The following MDGA1 variants were observed in gnomAD, a reference collection of about 807,000 sequenced individuals.
MDGA1 encodes the protein MAM domain containing glycosylphosphatidylinositol anchor 1, also known as MAM domain-containing glycosylphosphatidylinositol anchor protein 1.
A neutral mutation model predicts 101.5 loss-of-function variants in MDGA1; 54 were observed. The observed-to-expected ratio is 0.53, with a 90% CI of 0.43 to 0.67. MDGA1 has a LOEUF of 0.67. MDGA1 is among the 30% of genes least tolerant of loss of function. MDGA1 has a pLI of 0.00. For synonymous variants in MDGA1, 533 were observed against 558.3 expected, an observed-to-expected ratio of 0.95 and a Z score of 0.64; for missense variants, 1,083 against 1,323.8, an observed-to-expected ratio of 0.82 and a Z score of 2.82.
chr6:37,637,943 A>G (rs1417401228), intron 16 of MDGA1: 5 of 565,336 alleles, frequency 8.8e-6, no homozygotes, highest in Non-Finnish European at 1.6e-5. Flanking sequence ...ATTCAGACAC[A>G]GGCACAGGAG....
chr6:37,660,977 AT>A (rs1365381693), intron 2 of MDGA1, among the ~76,000 whole-genome samples: 1 of 152,186 alleles, frequency 6.6e-6, no homozygotes, highest in Non-Finnish European at 1.5e-5. Flanking sequence ...TTTCCTCACT[AT>A]TTGGATATTG....
chr6:37,664,094 G>A lies in MDGA1; in HGVS notation c.80C>T (p.Ala27Val), dbSNP rs372332601. 91 of 1,613,896 alleles carry A rather than the reference G, an allele frequency of 5.6e-5. No homozygotes were observed. The highest frequency in any genetic ancestry group is 5.8e-5 in the Non-Finnish European group (68 of 1,179,876). Reference protein sequence around the residue: ...RGQGVYAPAQAQIVHAGQACV... With the variant: ...RGQGVYAPAQVQIVHAGQACV... Reference sequence around the variant, plus strand: ...TGCCTGGCCCGCATGCACGATCTGCGCCTGGGCTGGAGCTGGCAGGAGAGG... The same window carrying A: ...TGCCTGGCCCGCATGCACGATCTGCACCTGGGCTGGAGCTGGCAGGAGAGG... Residue 27 changes from alanine (A) to valine (V), a missense_variant, in exon 2 of 17, where the codon GCG (alanine) becomes GTG (valine). Physicochemically the swap from Ala to Val is moderately conservative, Grantham distance 64 (BLOSUM62 0). Around this residue, in one of 3 missense-constraint regions of MDGA1, gnomAD observed 310 missense variants for 355.9 expected, o/e 0.87. Transcript: ENST00000434837.
In MDGA1 at chr6:37,649,052, G is replaced by A; in HGVS notation, c.1824C>T (p.Asp608=). ...CGCTGCACTCGTAGCTGCCGCTGCT[G>A]TCGCGAGTTACGGCGTCGAGGCGCA... ...AELRLDAVTR[D]SSGSYECSVS... The change falls in exon 9 of 17, where the codon GAC becomes GAT. Residue 608 remains aspartate (D), a synonymous_variant. Coordinates refer to ENST00000434837, the MANE Select transcript of MDGA1 (RefSeq NM_153487.4). The A allele has an allele frequency of 1.9e-6, 3 of 1,544,694 alleles. No homozygotes were observed. The highest frequency in any genetic ancestry group is 2.6e-6 in the Non-Finnish European group (3 of 1,145,356).
chr6:37,649,235 G>A lies in MDGA1; in HGVS notation c.1641C>T (p.Asp547=), dbSNP rs946258328. ...FPPEVEPSSQ[D]VRQALGRPVL... ...CGGGCCGGCCCAGCGCCTGGCGCAC[G>A]TCCTGGGAACTGGGCTCCACCTCCG... Residue 547 remains aspartate, a synonymous_variant, in exon 9 of 17, where the codon GAC becomes GAT. Transcript: ENST00000434837. 6.6e-6 allele frequency: 10 copies of A among 1,508,186 alleles called. No individual in the cohort carries two copies. The highest frequency in any genetic ancestry group is 8.8e-6 in the Non-Finnish European group (10 of 1,136,550). The allele number at this position is 1,508,186 out of a possible 1,614,324, so 93.4% of individuals were successfully genotyped here.
Position 37,696,710 on chromosome 6 carries a change from G to T in MDGA1, c.67+35C>A, listed in dbSNP as rs1424696503. The T allele has an allele frequency of 6.4e-7, 1 of 1,555,782 alleles. No individual in the cohort carries two copies. Among genetic ancestry groups the T allele is most frequent in the African/African-American group, 1.4e-5 (1 of 73,472 alleles). On this transcript the variant is annotated intron_variant, in intron 1 of 16. Transcript: ENST00000434837. This position sits in a 1 kb window ranked among gnomAD's most constrained non-coding sequence, Gnocchi z 5.6. ...GCCTCTTGCAAAGTTTCCGCGCGAG[G>T]TTAAGCCAAGGTGGAGCGGGACGCG... is the stretch of plus-strand genomic sequence containing the variant.
chr6:37,663,444 A>G (rs1276311589), intron 2 of MDGA1, among the ~76,000 whole-genome samples: 3 of 152,248 alleles, frequency 2.0e-5, no homozygotes, highest in African/African-American at 4.8e-5. Context: ...GAGGAAGCAG[A>G]GTAAGCTAAG....
chr6:37,684,962 A>G (rs1762166529), intron 1 of MDGA1, among the ~76,000 whole-genome samples: 1 of 152,106 alleles, frequency 6.6e-6, no homozygotes, highest in African/African-American at 2.4e-5. Context: ...TCTGCCCAGT[A>G]TCCCTCTCAG....
chr6:37,646,498 T>C lies in MDGA1; in HGVS notation c.2047-123A>G, dbSNP rs961182942. 1.1e-5 allele frequency: 8 copies of C among 720,468 alleles called. No individual in the cohort carries two copies. The East Asian group carries it at 2.3e-4, about 21-fold the overall frequency. 44.6% of individuals were successfully genotyped at this position (720,468 alleles called of 1,614,324 possible). A position where few individuals can be genotyped will look rare whatever the true frequency, so the allele number is the denominator to read the frequency against. On this transcript the variant is annotated intron_variant, in intron 10 of 16. Transcript: ENST00000434837. The stretch of plus-strand genomic sequence containing the variant: ...AGGGCTGTCTTCATAATAAAAATGA[T>C]GACAGCAACACACTGAAACATTAAT...
intron 1 of MDGA1, among the ~76,000 whole-genome samples, chr6:37,690,255 C>T (rs1762281612): frequency 6.6e-6 from 1 of 152,234 alleles, no homozygotes; most frequent in Non-Finnish European, 1.5e-5. Context: ...CCAGCACGGC[C>T]TCCTCCCACA....
chr6:37,667,001 T>G (rs1484321810), intron 1 of MDGA1, among the ~76,000 whole-genome samples: 1 of 152,318 alleles, frequency 6.6e-6, no homozygotes, highest in African/African-American at 2.4e-5. Context: ...ACGGTAGATG[T>G]GATGATAACA....
At chr6:37,693,421 ATAG>A (rs1383617176) in intron 1 of MDGA1, among the ~76,000 whole-genome samples, 1 of 152,250 alleles carries the variant, frequency 6.6e-6, no homozygotes, top group African/African-American at 2.4e-5. Flanking sequence ...TTAACATAGG[ATAG>A]TAGTTTCTGA....
chr6:37,683,558 C>T (rs1488472452), intron 1 of MDGA1, among the ~76,000 whole-genome samples: 1 of 152,234 alleles, frequency 6.6e-6, no homozygotes, highest in Non-Finnish European at 1.5e-5. Flanking sequence ...CTAGAGCTTG[C>T]GCTGCCTGTG....
intron 1 of MDGA1, among the ~76,000 whole-genome samples, chr6:37,681,004 C>T (rs113775274): frequency 1.3e-5 from 2 of 152,110 alleles, no homozygotes; most frequent in Admixed American, 6.5e-5. Flanking sequence ...CAGCCCCCCC[C>T]CCCCAGGAAA....
Position 37,644,508 on chromosome 6 carries a change from C to T in MDGA1, c.2390G>A (p.Gly797Asp). 1 of 1,582,250 alleles carries T rather than the reference C, an allele frequency of 6.3e-7. No individual in the cohort carries two copies. Among genetic ancestry groups the T allele is most frequent in the Non-Finnish European group, 8.6e-7 (1 of 1,164,194 alleles). ...GGCCAGGTCCTCACCCTCAGGGGTGCCACTTATGTCGGTGGGGGGACCAGT... is the reference window on the plus strand; with the variant it reads ...GGCCAGGTCCTCACCCTCAGGGGTGTCACTTATGTCGGTGGGGGGACCAGT... ...PNTGPPTDIS[G>D]TPEGYYMFIE... Residue 797 changes from glycine to aspartate, a missense_variant, in exon 13 of 17, where the codon GGC becomes GAC. Gly to Asp is a moderately conservative substitution (Grantham distance 94, BLOSUM62 -1). This residue lies in a region of MDGA1 where 657 missense variants were observed against 771.4 expected (regional missense o/e 0.85). Coordinates refer to ENST00000434837, the MANE Select transcript of MDGA1 (RefSeq NM_153487.4).
At position 37,650,005 on chromosome 6, in the gene MDGA1, G is replaced by T. The variant is rs765634413; in HGVS notation, c.1609+104C>A. 3 of 1,363,788 alleles carry T rather than the reference G, an allele frequency of 2.2e-6. No homozygotes were observed. The Admixed American group carries it at 5.2e-5, about 24-fold the overall frequency. The allele number at this position is 1,363,788 out of a possible 1,614,324, so 84.5% of individuals were successfully genotyped here. ...TTAGGGGTATCAGGAGTAGCTGGTG[G>T]GGTTTGGTTGGACTGGGGTGGGTGA... On this transcript the variant is annotated intron_variant, in intron 8 of 16. Transcript: ENST00000434837.
intron 1 of MDGA1, among the ~76,000 whole-genome samples, chr6:37,689,755 C>T (rs567609160): frequency 6.6e-6 from 1 of 152,282 alleles, no homozygotes; most frequent in African/African-American, 2.4e-5. Context: ...AGCTCCAAAC[C>T]TCAGAGCCGT....
Position 37,638,204 on chromosome 6 carries a change from C to A in MDGA1, c.2776+1G>T. The A allele has an allele frequency of 6.2e-7, 1 of 1,612,952 alleles. No individual in the cohort carries two copies. The highest frequency in any genetic ancestry group is 8.5e-7 in the Non-Finnish European group (1 of 1,178,990). ...TCCCCCACCTCCTTCCCGTCTTGCA[C>A]CTTTATTGGGATCCGTCTGCTTCCG... On this transcript the variant is annotated splice_donor_variant, in intron 16 of 16. Coordinates refer to ENST00000434837, the MANE Select transcript of MDGA1 (RefSeq NM_153487.4). LOFTEE classifies it high-confidence loss of function. The surrounding 1 kb of genome is among the most constrained non-coding windows in gnomAD (Gnocchi z 4.8).
chr6:37,658,503 C>T (rs1761547944), intron 2 of MDGA1, 84 bp from the exon 3 acceptor site: 1 of 1,362,122 alleles, frequency 7.3e-7, no homozygotes, highest in Non-Finnish European at 1.0e-6. Flanking sequence ...CAACGGCACC[C>T]CCTTTCTCCC....
Position 37,652,324 on chromosome 6 carries a change from T to A in MDGA1, c.999A>T (p.Thr333=). Residue 333 remains threonine (T), a synonymous_variant, in exon 7 of 17, where the codon ACA becomes ACT. Transcript: ENST00000434837. The surrounding 1 kb of genome is among the most constrained non-coding windows in gnomAD (Gnocchi z 4.3). ...TGATCACGTCAGGAGTGATCTGGAA[T>A]GTAGCGTTCTTCATGGCTGTGAGTG... ...NLLVRSMKNA[T]FQITPDVIKE... The A allele has an allele frequency of 6.2e-7, 1 of 1,609,744 alleles. No individual in the cohort carries two copies. Among genetic ancestry groups the A allele is most frequent in the Non-Finnish European group, 8.5e-7 (1 of 1,176,832 alleles).
Sources: gnomAD v4.1 joint callset for allele counts (sites outside exome capture counted in the v4.1 genomes callset) on GRCh38, gnomAD v4.1.1 for gene constraint, gnomAD v4.1.1 regional missense constraint, Gnocchi (gnomAD v3.1) non-coding constraint, MANE v1.5 for transcripts, NCBI Gene and HGNC (gene_info 2026-07-23, HGNC 2026-07-21) for gene names.